The following MYO1E variants were observed in gnomAD, a reference collection of about 807,000 sequenced individuals.
MYO1E encodes the protein myosin IE, also known as unconventional myosin-Ie.
MYO1E carries 68 observed loss-of-function variants against 151.1 expected under a neutral mutation model. The observed-to-expected ratio is 0.45, with a 90% CI of 0.37 to 0.55. The LOEUF (loss-of-function observed/expected upper bound fraction) is 0.55. Ranked by LOEUF, MYO1E falls within the 20% of genes least tolerant of loss-of-function variation. MYO1E has a pLI of 0.00. For synonymous variants in MYO1E, 601 were observed against 501.7 expected, an observed-to-expected ratio of 1.20 and a Z score of -2.64; for missense variants, 1,363 against 1,389.3, an observed-to-expected ratio of 0.98 and a Z score of 0.30.
chr15:59,192,273 T>C (rs1439942389), intron 17 of MYO1E, among the ~76,000 whole-genome samples: 2 of 152,048 alleles, frequency 1.3e-5, no homozygotes, highest in South Asian at 4.2e-4. Flanking sequence ...ATAAAATTCT[T>C]TGCTGCAATT....
At chr15:59,361,815 ATTTT>A (rs1244658476) in intron 1 of MYO1E, among the ~76,000 whole-genome samples, 2 of 151,440 alleles carry the variant, frequency 1.3e-5, no homozygotes, top group African/African-American at 2.4e-5. Flanking sequence ...TAGTCTGTGG[ATTTT>A]TTTAATTAAT....
intron 26 of MYO1E, among the ~76,000 whole-genome samples, chr15:59,152,272 TG>T (rs1195149027): frequency 2.0e-5 from 3 of 152,200 alleles, no homozygotes; most frequent in African/African-American, 7.2e-5. Context: ...GATGGATGGC[TG>T]CCCCCTCAGA....
chr15:59,312,509 C>T (rs1476768299), intron 1 of MYO1E, among the ~76,000 whole-genome samples: 1 of 152,124 alleles, frequency 6.6e-6, no homozygotes, highest in Non-Finnish European at 1.5e-5. Context: ...GAGCACCATT[C>T]TTTGTTTTTT....
At chr15:59,165,513 AG>A (rs2079558811) in intron 22 of MYO1E, among the ~76,000 whole-genome samples, 1 of 152,202 alleles carries the variant, frequency 6.6e-6, no homozygotes, top group Non-Finnish European at 1.5e-5. Flanking sequence ...CTCCTGTGAT[AG>A]TTGGGATCAA....
Position 59,163,180 on chromosome 15 carries a change from T to C in MYO1E, c.2604A>G (p.Gln868=). 5 of 1,614,146 alleles carry C rather than the reference T, an allele frequency of 3.1e-6. No individual in the cohort carries two copies. The highest frequency in any genetic ancestry group is 4.2e-6 in the Non-Finnish European group (5 of 1,180,002). ...AKRYEEKTQK[Q]LPLKFSNTLE... is the part of the protein sequence containing the mutation. ...ACGTATTGCTGAATTTCAGAGGTAGTTGCTTCTGGGTCTTCTCCTCGTAAC... is the reference window on the plus strand; with the variant it reads ...ACGTATTGCTGAATTTCAGAGGTAGCTGCTTCTGGGTCTTCTCCTCGTAAC... Residue 868 remains glutamine, a synonymous_variant, in exon 23 of 28, where the codon CAA becomes CAG. Transcript: ENST00000288235.
chr15:59,277,124 G>A (rs1160738605), intron 1 of MYO1E, among the ~76,000 whole-genome samples: 5 of 152,206 alleles, frequency 3.3e-5, no homozygotes, highest in Admixed American at 6.5e-5. Context: ...TGGGGAGGAG[G>A]TGACCATCAA....
At chr15:59,213,194 G>A (rs1321915917) in intron 12 of MYO1E, among the ~76,000 whole-genome samples, 6 of 148,948 alleles carry the variant, frequency 4.0e-5, no homozygotes, top group African/African-American at 7.5e-5. Flanking sequence ...ATTTTGAGAC[G>A]AAGTCTCGCT....
At chr15:59,371,954 C>G (rs1295981354) in intron 1 of MYO1E, among the ~76,000 whole-genome samples, 1 of 149,944 alleles carries the variant, frequency 6.7e-6, no homozygotes, top group Admixed American at 6.6e-5. Flanking sequence ...CAAGGCGGGC[C>G]AGGGACCGCC....
chr15:59,200,994 T>C (rs2079798034), intron 16 of MYO1E, among the ~76,000 whole-genome samples: 1 of 152,212 alleles, frequency 6.6e-6, no homozygotes, highest in Non-Finnish European at 1.5e-5. Flanking sequence ...ACTGAGGAAG[T>C]ATTCAGCTGG....
intron 8 of MYO1E, among the ~76,000 whole-genome samples, chr15:59,223,444 A>C (rs979808396): frequency 6.6e-6 from 1 of 152,186 alleles, no homozygotes; most frequent in African/African-American, 2.4e-5. Context: ...CTCACGTCTC[A>C]AAGTCATGCT....
intron 5 of MYO1E, 88 bp from the exon 6 acceptor site, chr15:59,231,879 G>C (rs1386978347): frequency 1.4e-6 from 2 of 1,425,030 alleles, no homozygotes; most frequent in African/African-American, 2.8e-5. Context: ...CCTGGTTTCT[G>C]AATGCATTAA....
intron 22 of MYO1E, 109 bp downstream of exon 22, chr15:59,171,788 T>G (rs2079596198): frequency 1.4e-6 from 2 of 1,394,054 alleles, no homozygotes; most frequent in African/African-American, 1.4e-5. Flanking sequence ...TGATCATGAT[T>G]TTGACAGCTG....
intron 26 of MYO1E, among the ~76,000 whole-genome samples, chr15:59,141,291 G>A (rs2079407501): frequency 6.6e-6 from 1 of 152,096 alleles, no homozygotes; most frequent in Non-Finnish European, 1.5e-5. Context: ...TATCTCCCTG[G>A]GGGACTGGTT....
Position 59,236,620 on chromosome 15 carries a change from T to C in MYO1E, c.385A>G (p.Ile129Val). The C allele has an allele frequency of 1.2e-6, 2 of 1,614,034 alleles. No homozygotes were observed. The highest frequency in any genetic ancestry group is 1.7e-6 in the Non-Finnish European group (2 of 1,179,962). ...GTCCCTCCTCCAGACACTCTGGAGA[T>C]GTAGCTCATGATATATTTGGCAGCC... ...TVAAKYIMSY[I>V]SRVSGGGTKV... The change falls in exon 5 of 28, where the codon ATC (isoleucine) becomes GTC (valine). Residue 129 changes from isoleucine to valine, a missense_variant. Physicochemically the swap from Ile to Val is conservative, Grantham distance 29 (BLOSUM62 3). Transcript: ENST00000288235.
chr15:59,322,151 G>T (rs2080630358), intron 1 of MYO1E, among the ~76,000 whole-genome samples: 1 of 151,080 alleles, frequency 6.6e-6, no homozygotes, highest in Non-Finnish European at 1.5e-5. Flanking sequence ...CTCCAGCCCG[G>T]GCAACAGAGT....
At chr15:59,177,132 AG>A (rs2079629885) in intron 19 of MYO1E, among the ~76,000 whole-genome samples, 3 of 152,228 alleles carry the variant, frequency 2.0e-5, no homozygotes, top group Admixed American at 6.5e-5. Context: ...TAGAAAGAAC[AG>A]GAACTGTTCT....
At chr15:59,161,347 A>T in intron 23 of MYO1E, 117 bp from the exon 24 acceptor site, 3 of 1,129,154 alleles carry the variant, frequency 2.7e-6, no homozygotes, top group South Asian at 3.2e-5. Context: ...GAGAACGGAC[A>T]ATCTACACCA....
intron 2 of MYO1E, chr15:59,264,959 T>G (rs1276257874): frequency 6.6e-6 from 1 of 152,238 alleles, no homozygotes; most frequent in Non-Finnish European, 1.5e-5. Context: ...GAGGTTGCAG[T>G]GAGCCATGAT....
rs138359788 is a variant in MYO1E at position 59,338,885 on chromosome 15, A to G, written c.3+33613T>C. 1.1e-3 allele frequency among the ~76,000 whole-genome samples: 167 copies of G among 152,326 alleles called. 1 individual carries two copies. Among genetic ancestry groups the G allele is most frequent in the African/African-American group, 3.7e-3 (153 of 41,594 alleles). On this transcript the variant is annotated intron_variant, in intron 1 of 27. Coordinates refer to ENST00000288235, the MANE Select transcript of MYO1E (RefSeq NM_004998.4). ...TGTGGCTCATGCCTGTAATCCCAGC[A>G]TTTTTGGAGGCCGAGGCAGGTGGAT...
Sources: gnomAD v4.1 joint callset for allele counts (sites outside exome capture counted in the v4.1 genomes callset) on GRCh38, gnomAD v4.1.1 for gene constraint, MANE v1.5 for transcripts, NCBI Gene and HGNC (gene_info 2026-07-23, HGNC 2026-07-21) for gene names.